Variants in PSMC4 observed in about 807,000 individuals in gnomAD.
PSMC4 encodes 26S proteasome regulatory subunit 6B.
PSMC4 carries 13 observed loss-of-function variants against 48.4 expected under a neutral mutation model. The observed-to-expected ratio is 0.27, with a 90% confidence interval of 0.18 to 0.43. The LOEUF (loss-of-function observed/expected upper bound fraction) is 0.43, where lower values mean the gene tolerates loss of function less well. Among genes scored for constraint, PSMC4 ranks in the 20% least tolerant of loss-of-function variants. PSMC4 has a pLI of 1.00. For synonymous variants in PSMC4, 202 were observed against 212.3 expected, an observed-to-expected ratio of 0.95 and a Z score of 0.42; for missense variants, 262 against 555.9, an observed-to-expected ratio of 0.47 and a Z score of 5.32.
At chr19:39,977,528 A>G (rs1971223903) in intron 6 of PSMC4, among the ~76,000 whole-genome samples, 2 of 152,056 alleles carry the variant, frequency 1.3e-5, no homozygotes, top group Admixed American at 1.3e-4. Flanking sequence ...TTCTAGAGAC[A>G]GGGTCATGTC....
chr19:39,974,087 G>T lies in PSMC4; in HGVS notation c.323-207G>T, dbSNP rs539815746. Among the ~76,000 whole-genome samples the T allele has an allele frequency of 6.6e-6, 1 of 152,264 alleles. No individual in the cohort carries two copies. Among genetic ancestry groups the T allele is most frequent in the African/African-American group, 2.4e-5 (1 of 41,538 alleles). On this transcript the variant is annotated intron_variant, in intron 3 of 10. Transcript: ENST00000157812. The surrounding 1 kb of genome is among the most constrained non-coding windows in gnomAD (Gnocchi z 5.5). ...AGGGGGAGGCCTGCTGGACAGCCAG[G>T]GCTGGATGTCAAGAGAGAATCAGGG... is the stretch of plus-strand genomic sequence containing the variant.
intron 6 of PSMC4, among the ~76,000 whole-genome samples, chr19:39,975,080 A>G (rs1317965171): frequency 6.6e-6 from 1 of 152,204 alleles, no homozygotes; most frequent in Non-Finnish European, 1.5e-5. Flanking sequence ...ACCTATTAGT[A>G]ATTATGAATT....
intron 6 of PSMC4, among the ~76,000 whole-genome samples, chr19:39,977,557 C>T (rs1189988013): frequency 6.6e-6 from 1 of 151,982 alleles, no homozygotes; most frequent in Non-Finnish European, 1.5e-5. Context: ...CGCGGTGGCT[C>T]ACGGCTATAA....
In PSMC4 at chr19:39,980,820, C is replaced by A; in HGVS notation, c.1143+103C>A. On this transcript the variant is annotated intron_variant, in intron 10 of 10. Coordinates refer to ENST00000157812, the MANE Select transcript of PSMC4 (RefSeq NM_006503.4). The surrounding 1 kb of genome is among the most constrained non-coding windows in gnomAD (Gnocchi z 4.8). ...CTGTCCCCTCATGGCTGCCCTGGGT[C>A]GTGGGCGCCATCTCTCTCTTCCTCT... 8.6e-7 allele frequency: 1 copy of A among 1,160,516 alleles called. No homozygotes were observed. The highest frequency in any genetic ancestry group is 1.2e-5 in the South Asian group (1 of 80,844). 71.9% of individuals were successfully genotyped at this position (1,160,516 alleles called of 1,614,324 possible).
In PSMC4 at chr19:39,980,585, A is replaced by G; in HGVS notation, c.1088-77A>G. 1 of 1,588,968 alleles carries G rather than the reference A, an allele frequency of 6.3e-7. No homozygotes were observed. The highest frequency in any genetic ancestry group is 2.2e-5 in the East Asian group (1 of 44,736). On this transcript the variant is annotated intron_variant, in intron 9 of 10. Transcript: ENST00000157812. This position sits in a 1 kb window ranked among gnomAD's most constrained non-coding sequence, Gnocchi z 4.8. ...AGGTCCAGGGAGGAGGGGAGGTGAC[A>G]GAGATGGCCAAAGATGACTTCCAGC...
Position 39,981,188 on chromosome 19 carries a change from A to G in PSMC4, c.1144-4A>G. On this transcript the variant is annotated splice_region_variant and splice_polypyrimidine_tract_variant and intron_variant, in intron 10 of 10. Transcript: ENST00000157812. ...AGTAGATTTTAACTCTCATCCTTCA[A>G]CAGAGTGGAATGTTGGCTGTCCGTG... is the stretch of plus-strand genomic sequence containing the variant. 1 of 1,611,724 alleles carries G rather than the reference A, an allele frequency of 6.2e-7. No individual in the cohort carries two copies. Among genetic ancestry groups the G allele is most frequent in the Non-Finnish European group, 8.5e-7 (1 of 1,177,980 alleles).
intron 6 of PSMC4, among the ~76,000 whole-genome samples, chr19:39,976,700 G>A (rs1462237001): frequency 1.3e-5 from 2 of 151,498 alleles, no homozygotes; most frequent in African/African-American, 4.8e-5. Flanking sequence ...TAGTAGAGAC[G>A]GGGTTTCACC....
In PSMC4 at chr19:39,974,055, G is replaced by A. The variant is rs113671749; in HGVS notation, c.323-239G>A. ...AAACAGAAGTGTGCCTCACTAGTAT[G>A]AGATGCAGGGGGAGGCCTGCTGGAC... On this transcript the variant is annotated intron_variant, in intron 3 of 10. Coordinates refer to ENST00000157812, the MANE Select transcript of PSMC4 (RefSeq NM_006503.4). This position sits in a 1 kb window ranked among gnomAD's most constrained non-coding sequence, Gnocchi z 5.5. Among the ~76,000 whole-genome samples the A allele has an allele frequency of 0.012, 1,902 of 152,266 alleles. 31 individuals are homozygous for A. The highest frequency in any genetic ancestry group is 0.052 in the South Asian group (251 of 4,826).
chr19:39,977,274 C>T (rs1267292992), intron 6 of PSMC4, among the ~76,000 whole-genome samples: 1 of 152,084 alleles, frequency 6.6e-6, no homozygotes, highest in Admixed American at 6.6e-5. Flanking sequence ...ATGTTACTAT[C>T]TTATGTAACC....
chr19:39,980,541 G>A lies in PSMC4; in HGVS notation c.1087+87G>A. The stretch of plus-strand genomic sequence containing the variant: ...CAACTTCTGCCAGCACCACAGCCCA[G>A]ACTGTGCAGGTGGGACCAAGGTCCA... On this transcript the variant is annotated intron_variant, in intron 9 of 10. Coordinates refer to ENST00000157812, the MANE Select transcript of PSMC4 (RefSeq NM_006503.4). This position sits in a 1 kb window ranked among gnomAD's most constrained non-coding sequence, Gnocchi z 4.8. The A allele has an allele frequency of 6.3e-7, 1 of 1,592,128 alleles. No homozygotes were observed. The highest frequency in any genetic ancestry group is 8.6e-7 in the Non-Finnish European group (1 of 1,161,596).
In PSMC4 at chr19:39,981,374, C is replaced by A; in HGVS notation, c.*69C>A. On this transcript the variant is annotated 3_prime_UTR_variant, in exon 11 of 11. Transcript: ENST00000157812. ...TCTCGCACCCCCAGCACCTCTGTCC[C>A]AAAACCTCATTCCCTTTTTTCTTTA... 1 of 1,104,318 alleles carries A rather than the reference C, an allele frequency of 9.1e-7. No individual in the cohort carries two copies. The highest frequency in any genetic ancestry group is 1.4e-6 in the Non-Finnish European group (1 of 722,688). 68.4% of individuals were successfully genotyped at this position (1,104,318 alleles called of 1,614,324 possible). A position where few individuals can be genotyped will look rare whatever the true frequency, so the allele number is the denominator to read the frequency against.
intron 6 of PSMC4, among the ~76,000 whole-genome samples, chr19:39,979,273 A>G (rs553255000): frequency 6.6e-5 from 10 of 152,198 alleles, no homozygotes; most frequent in African/African-American, 2.4e-4. Flanking sequence ...AAAAAATGAC[A>G]CATCTGGCTG....
chr19:39,974,683 G>C lies in PSMC4; in HGVS notation c.579+50G>C. The C allele has an allele frequency of 6.2e-7, 1 of 1,612,576 alleles. No homozygotes were observed. Among genetic ancestry groups the C allele is most frequent in the Non-Finnish European group, 8.5e-7 (1 of 1,178,648 alleles). On this transcript the variant is annotated intron_variant, in intron 5 of 10. Transcript: ENST00000157812. The surrounding 1 kb of genome is among the most constrained non-coding windows in gnomAD (Gnocchi z 5.5). The stretch of plus-strand genomic sequence containing the variant: ...AGGGAGAGGCCCCATTGGGTCTGGG[G>C]TTGGAGGTGGAACCCCTGACTCCCA...
In PSMC4 at chr19:39,981,589, C is replaced by A; in HGVS notation, c.*284C>A. ...GAACCAAAATATTCAAACCAGATGA[C>A]TTCCAAAATGTGGGGAAAGGGATGG... On this transcript the variant is annotated 3_prime_UTR_variant, in exon 11 of 11. Transcript: ENST00000157812. The A allele has an allele frequency of 3.1e-6, 1 of 320,538 alleles. No homozygotes were observed. Among genetic ancestry groups the A allele is most frequent in the Non-Finnish European group, 5.9e-6 (1 of 169,096 alleles). 19.9% of individuals were successfully genotyped at this position (320,538 alleles called of 1,614,324 possible).
At chr19:39,977,588 G>A (rs1309051293) in intron 6 of PSMC4, among the ~76,000 whole-genome samples, 1 of 152,066 alleles carries the variant, frequency 6.6e-6, no homozygotes, top group Non-Finnish European at 1.5e-5. Flanking sequence ...TCAGGAGGCC[G>A]AGGTGGGCAG....
Position 39,974,391 on chromosome 19 carries a change from G to A in PSMC4, c.420G>A (p.Val140=). The A allele has an allele frequency of 1.9e-6, 3 of 1,614,078 alleles. No homozygotes were observed. Among genetic ancestry groups the A allele is most frequent in the Non-Finnish European group, 2.5e-6 (3 of 1,180,028 alleles). Residue 140 remains valine, a synonymous_variant, in exon 4 of 11, where the codon GTG becomes GTA. Coordinates refer to ENST00000157812, the MANE Select transcript of PSMC4 (RefSeq NM_006503.4). The surrounding 1 kb of genome is among the most constrained non-coding windows in gnomAD (Gnocchi z 5.5). ...VALHKHSNAL[V]DVLPPEADSS... is the part of the protein sequence containing the mutation. ...TCCACAAGCACAGCAATGCACTGGTGGACGTGCTGCCCCCCGAAGCCGACA... is the reference window on the plus strand; with the variant it reads ...TCCACAAGCACAGCAATGCACTGGTAGACGTGCTGCCCCCCGAAGCCGACA...
Position 39,981,375 on chromosome 19 carries a change from A to C in PSMC4, c.*70A>C. On this transcript the variant is annotated 3_prime_UTR_variant, in exon 11 of 11. Transcript: ENST00000157812. ...CTCGCACCCCCAGCACCTCTGTCCC[A>C]AAACCTCATTCCCTTTTTTCTTTAC... 9.2e-7 allele frequency: 1 copy of C among 1,089,492 alleles called. No individual in the cohort carries two copies. The highest frequency in any genetic ancestry group is 1.4e-6 in the Non-Finnish European group (1 of 709,826). 67.5% of individuals were successfully genotyped at this position (1,089,492 alleles called of 1,614,324 possible). A position where few individuals can be genotyped will look rare whatever the true frequency, so the allele number is the denominator to read the frequency against.
Position 39,974,255 on chromosome 19 carries a change from A to G in PSMC4, c.323-39A>G. 1 of 1,609,074 alleles carries G rather than the reference A, an allele frequency of 6.2e-7. No homozygotes were observed. The highest frequency in any genetic ancestry group is 8.5e-7 in the Non-Finnish European group (1 of 1,176,742). On this transcript the variant is annotated intron_variant, in intron 3 of 10. Coordinates refer to ENST00000157812, the MANE Select transcript of PSMC4 (RefSeq NM_006503.4). The surrounding 1 kb of genome is among the most constrained non-coding windows in gnomAD (Gnocchi z 5.5). ...GAGGAAGGGGGAAGGGGCAGTTTCC[A>G]GGCTGACACTTCTCGTTTTCCTCTC...
At chr19:39,975,399 C>G (rs1200928965) in intron 6 of PSMC4, among the ~76,000 whole-genome samples, 1 of 151,892 alleles carries the variant, frequency 6.6e-6, no homozygotes, top group Admixed American at 6.6e-5. Context: ...AGCCATGTGC[C>G]TGGCCCCAAA....
Sources: allele counts gnomAD v4.1 joint callset (sites outside exome capture counted in the v4.1 genomes callset), GRCh38; gene constraint gnomAD v4.1.1; non-coding constraint Gnocchi (gnomAD v3.1); transcripts MANE v1.5; gene names NCBI Gene and HGNC (gene_info 2026-07-23, HGNC 2026-07-21).